The following RMDN2 variants were observed in gnomAD, a reference collection of about 807,000 sequenced individuals.
RMDN2 encodes regulator of microtubule dynamics 2, also known as regulator of microtubule dynamics protein 2.
Under a neutral mutation model 52.8 loss-of-function variants are expected in RMDN2, and 61 were observed. The observed-to-expected ratio is 1.16, with a 90% CI of 0.94 to 1.43. The LOEUF (loss-of-function observed/expected upper bound fraction) is 1.43. Ranked by LOEUF, RMDN2 falls within the 40% of genes most tolerant of loss-of-function variation. RMDN2 has a pLI of 0.00. For missense variants in RMDN2, 592 were observed against 475.3 expected (o/e 1.25, Z -2.28); for synonymous variants, 180 against 153.1 (o/e 1.18, Z -1.30).
At chr2:38,018,953 G>A (rs1446860104), downstream of RMDN2, among the ~76,000 whole-genome samples, 2 of 152,154 alleles carry the variant, frequency 1.3e-5, no homozygotes, top group Admixed American at 6.5e-5. Context: ...TTCTGGTTAG[G>A]TAAATTAAGC....
chr2:37,953,282 A>G (rs549864922), intron 2 of RMDN2, among the ~76,000 whole-genome samples: 2 of 152,136 alleles, frequency 1.3e-5, no homozygotes, highest in African/African-American at 2.4e-5. Context: ...CATCACCACC[A>G]TCCGTTTCCA....
chr2:38,003,941 G>A, intron 8 of RMDN2, 50 bp from the exon 9 acceptor site: 1 of 1,345,138 alleles, frequency 7.4e-7, no homozygotes. Flanking sequence ...TGTGGTTACT[G>A]TTATTTTAAT....
At chr2:38,066,882 C>G in intron 10 of RMDN2, 3 of 1,065,498 alleles carry the variant, frequency 2.8e-6, no homozygotes, top group Non-Finnish European at 4.4e-6. Flanking sequence ...TAAACCACTC[C>G]ATAGCCATAC....
At chr2:38,022,881 G>A (rs1283237851) in intron 10 of RMDN2, among the ~76,000 whole-genome samples, 1 of 152,208 alleles carries the variant, frequency 6.6e-6, no homozygotes, top group Non-Finnish European at 1.5e-5. Flanking sequence ...AAGCGTTGAT[G>A]TGTAAGTGAC....
Position 37,965,938 on chromosome 2 carries a change from A to C in RMDN2, c.453-8102A>C, listed in dbSNP as rs570857623. Among the ~76,000 whole-genome samples, 6 of 152,308 alleles carry C rather than the reference A, an allele frequency of 3.9e-5. No homozygotes were observed. The East Asian group carries it at 1.2e-3, about 29-fold the overall frequency. Reference sequence around the variant, plus strand: ...TTCAGCACTTTAAATATATCGTCCCACTGCCTTCTGGTTTGCAAGGTTTCT... The same window carrying C: ...TTCAGCACTTTAAATATATCGTCCCCCTGCCTTCTGGTTTGCAAGGTTTCT... On this transcript the variant is annotated intron_variant, in intron 2 of 10. Coordinates refer to ENST00000354545, the MANE Select transcript of RMDN2 (RefSeq NM_001170791.3).
intron 10 of RMDN2, among the ~76,000 whole-genome samples, chr2:38,008,845 G>T (rs1004494215): frequency 6.6e-6 from 1 of 152,178 alleles, no homozygotes; most frequent in Non-Finnish European, 1.5e-5. Context: ...GCTGGTACCG[G>T]TTGTTCCTTT....
chr2:37,971,146 A>G (rs1441121783), intron 2 of RMDN2, among the ~76,000 whole-genome samples: 2 of 152,022 alleles, frequency 1.3e-5, no homozygotes, highest in African/African-American at 4.8e-5. Flanking sequence ...GATCACAAAT[A>G]TTTGCTCCTA....
intron 10 of RMDN2, among the ~76,000 whole-genome samples, chr2:38,023,331 A>C (rs1679534894): frequency 6.6e-6 from 1 of 152,220 alleles, no homozygotes; most frequent in Non-Finnish European, 1.5e-5. Context: ...AAAGGAAACA[A>C]GGGAAAGGAA....
At chr2:37,968,025 T>C (rs555131218) in intron 2 of RMDN2, among the ~76,000 whole-genome samples, 3 of 152,332 alleles carry the variant, frequency 2.0e-5, no homozygotes, top group African/African-American at 7.2e-5. Context: ...TTCCGTGAAC[T>C]TTTTGAAGTC....
At chr2:37,939,528 G>C (rs781008440) in intron 2 of RMDN2, among the ~76,000 whole-genome samples, 16 of 152,158 alleles carry the variant, frequency 1.1e-4, no homozygotes, top group Non-Finnish European at 1.5e-4. Context: ...GGGAGTCTAA[G>C]TCTCTTTGTA....
chr2:37,976,250 G>A (rs1227725536), intron 4 of RMDN2: 1 of 152,158 alleles, frequency 6.6e-6, no homozygotes, highest in Non-Finnish European at 1.5e-5. Flanking sequence ...TAAATAGATA[G>A]AATATCAAAC....
chr2:37,974,234 C>T lies in RMDN2; in HGVS notation c.627+20C>T. The T allele has an allele frequency of 6.5e-7, 1 of 1,544,438 alleles. No individual in the cohort carries two copies. Among genetic ancestry groups the T allele is most frequent in the Non-Finnish European group, 8.8e-7 (1 of 1,136,982 alleles). On this transcript the variant is annotated intron_variant, in intron 3 of 10. Transcript: ENST00000354545. ...GAAAAGGTAAGAGACATAACAATAGCACTTCGTATAGTTCCATTTTTTAAT... is the reference window on the plus strand; with the variant it reads ...GAAAAGGTAAGAGACATAACAATAGTACTTCGTATAGTTCCATTTTTTAAT...
At chr2:37,985,504 C>G (rs1378074544) in intron 5 of RMDN2, among the ~76,000 whole-genome samples, 2 of 152,052 alleles carry the variant, frequency 1.3e-5, no homozygotes, top group African/African-American at 4.8e-5. Flanking sequence ...GAAATGTGGT[C>G]AAGCTTTGAG....
chr2:37,925,149 C>T (rs1260621073), upstream of RMDN2, among the ~76,000 whole-genome samples: 1 of 152,138 alleles, frequency 6.6e-6, no homozygotes, highest in Non-Finnish European at 1.5e-5. Context: ...GCGAGCCAGG[C>T]GCCCCGCGAC....
chr2:37,997,006 G>A (rs1485914989), intron 7 of RMDN2, among the ~76,000 whole-genome samples: 7 of 152,220 alleles, frequency 4.6e-5, no homozygotes, highest in Admixed American at 2.6e-4. Flanking sequence ...GAGCAAAGGC[G>A]GAGTCTTGTA....
intron 2 of RMDN2, among the ~76,000 whole-genome samples, chr2:37,941,965 G>T (rs568916188): frequency 6.7e-6 from 1 of 150,350 alleles, no homozygotes; most frequent in African/African-American, 2.5e-5. Context: ...AAAAATTCCT[G>T]CAGCTAGCTC....
intron 10 of RMDN2, among the ~76,000 whole-genome samples, chr2:38,057,915 C>G (rs1321282319): frequency 1.3e-5 from 2 of 152,198 alleles, no homozygotes; most frequent in African/African-American, 4.8e-5. Context: ...TTCTGTACAG[C>G]CTGCAGAACC....
rs556220693 is a variant in RMDN2 at position 38,015,691 on chromosome 2, A to C, written c.1180-1495A>C. The stretch of plus-strand genomic sequence containing the variant: ...GCTGCACAGAGATGTGATTCTGGAG[A>C]AAATCCTCAAAACCAGCATCCGGGC... On this transcript the variant is annotated intron_variant, in intron 10 of 10. Transcript: ENST00000354545. 3.3e-5 allele frequency among the ~76,000 whole-genome samples: 5 copies of C among 152,308 alleles called. No homozygotes were observed. The South Asian group carries it at 1.0e-3, about 32-fold the overall frequency.
At chr2:37,950,483 A>C (rs1668638435) in intron 2 of RMDN2, 1 of 1,612,130 alleles carries the variant, frequency 6.2e-7, no homozygotes, top group African/African-American at 1.3e-5. Context: ...TTGAGCATTC[A>C]GTCTTCTGAC....
Sources: gnomAD v4.1 joint callset for allele counts (sites outside exome capture counted in the v4.1 genomes callset) on GRCh38, gnomAD v4.1.1 for gene constraint, MANE v1.5 for transcripts, NCBI Gene and HGNC (gene_info 2026-07-23, HGNC 2026-07-21) for gene names.